SGK1: variants seen among roughly 807,000 people sequenced by gnomAD.
SGK1 encodes the protein serine/threonine-protein kinase Sgk1.
SGK1 carries 26 observed loss-of-function variants against 64.2 expected under a neutral mutation model. That is an observed-to-expected ratio of 0.40 (90% confidence interval 0.30 to 0.56). The LOEUF is 0.56. SGK1 is among the 20% of genes least tolerant of loss of function. The pLI is 0.38. For missense variants in SGK1, 519 were observed against 645.6 expected, an observed-to-expected ratio of 0.80 and a Z score of 2.12; for synonymous variants, 265 against 239.7, an observed-to-expected ratio of 1.11 and a Z score of -0.98.
intron 2 of SGK1, among the ~76,000 whole-genome samples, chr6:134,249,228 TC>T (rs1410984507): frequency 6.6e-6 from 1 of 152,336 alleles, no homozygotes; most frequent in East Asian, 1.9e-4. Flanking sequence ...TATTCTTTAT[TC>T]CTACTGATAC....
intron 2 of SGK1, among the ~76,000 whole-genome samples, chr6:134,212,441 A>G (rs964284493): frequency 6.6e-6 from 1 of 152,156 alleles, no homozygotes; most frequent in Non-Finnish European, 1.5e-5. Context: ...GAAAGTAGCT[A>G]TTATGTCTCA....
At chr6:134,229,400 T>C (rs1776242182) in intron 2 of SGK1, among the ~76,000 whole-genome samples, 1 of 152,122 alleles carries the variant, frequency 6.6e-6, no homozygotes, top group Non-Finnish European at 1.5e-5. Context: ...TAAAGGAAAA[T>C]GGATCTAAAC....
intron 2 of SGK1, among the ~76,000 whole-genome samples, chr6:134,240,401 G>A (rs1279230134): frequency 3.3e-5 from 5 of 152,074 alleles, no homozygotes; most frequent in Non-Finnish European, 7.4e-5. Flanking sequence ...GTAGATTTAT[G>A]GAGGAATGGA....
intron 2 of SGK1, among the ~76,000 whole-genome samples, chr6:134,226,181 G>A (rs1776174139): frequency 6.6e-6 from 1 of 151,838 alleles, no homozygotes; most frequent in South Asian, 2.1e-4. Context: ...TCTTATCAAG[G>A]AAGGTGATAT....
chr6:134,219,706 G>A (rs1337327864), intron 2 of SGK1, among the ~76,000 whole-genome samples: 1 of 146,440 alleles, frequency 6.8e-6, no homozygotes, highest in Non-Finnish European at 1.5e-5. Context: ...GTTGCGGTGA[G>A]CTGAAATTGC....
At chr6:134,202,776 A>AT (rs1263879525) in intron 3 of SGK1, among the ~76,000 whole-genome samples, 1 of 152,226 alleles carries the variant, frequency 6.6e-6, no homozygotes, top group East Asian at 1.9e-4. Context: ...AAATATCTGG[A>AT]TAAAAACAAA....
chr6:134,250,730 G>A (rs948363756), intron 2 of SGK1, among the ~76,000 whole-genome samples: 1 of 152,108 alleles, frequency 6.6e-6, no homozygotes, highest in Admixed American at 6.6e-5. Context: ...AAATTATATG[G>A]TTTTAAGAAA....
At chr6:134,174,411 G>A (rs1192744171) in intron 4 of SGK1, 100 bp downstream of exon 4, 2 of 795,936 alleles carry the variant, frequency 2.5e-6, no homozygotes, top group African/African-American at 1.7e-5. Context: ...CCCCACCCCA[G>A]AAGAAGTCTT....
At chr6:134,206,361 ATATATATATATATATATATATAT>A (rs1269537964) in intron 3 of SGK1, among the ~76,000 whole-genome samples, 14 of 80,576 alleles carry the variant, frequency 1.7e-4, no homozygotes, top group South Asian at 8.6e-4. Flanking sequence ...ATATATATAT[ATATATATATATATATATATATAT>A]TTTTTTTTTT....
chr6:134,202,849 A>G (rs1425869447), intron 3 of SGK1, among the ~76,000 whole-genome samples: 2 of 152,206 alleles, frequency 1.3e-5, no homozygotes, highest in Non-Finnish European at 2.9e-5. Flanking sequence ...ACATATATAG[A>G]TAATACATAT....
intron 1 of SGK1, among the ~76,000 whole-genome samples, chr6:134,303,797 A>G (rs1025281056): frequency 1.3e-4 from 19 of 151,238 alleles, no homozygotes; most frequent in African/African-American, 4.6e-4. Flanking sequence ...GAAAAAAAAA[A>G]AGAAAAGAAA....
intron 1 of SGK1, among the ~76,000 whole-genome samples, chr6:134,315,566 A>C (rs955656770): frequency 6.6e-6 from 1 of 152,228 alleles, no homozygotes; most frequent in Non-Finnish European, 1.5e-5. Context: ...ATAACAAAGA[A>C]AATAAAAGAC....
chr6:134,195,493 G>C (rs1203071749), intron 3 of SGK1, among the ~76,000 whole-genome samples: 2 of 152,186 alleles, frequency 1.3e-5, no homozygotes, highest in Non-Finnish European at 2.9e-5. Flanking sequence ...GATAGGATCT[G>C]ACAAACTTTT....
intron 1 of SGK1, among the ~76,000 whole-genome samples, chr6:134,283,362 G>C (rs186251328): frequency 6.6e-5 from 10 of 151,928 alleles, no homozygotes; most frequent in African/African-American, 2.2e-4. Context: ...GTGGTGGCAC[G>C]TGCCTGTAAT....
At chr6:134,262,544 T>C (rs1239063159) in intron 1 of SGK1, among the ~76,000 whole-genome samples, 1 of 151,282 alleles carries the variant, frequency 6.6e-6, no homozygotes, top group Non-Finnish European at 1.5e-5. Flanking sequence ...AAACCCCATC[T>C]CTACTAAAAA....
At chr6:134,202,306 A>C (rs1381579879) in intron 3 of SGK1, among the ~76,000 whole-genome samples, 1 of 152,228 alleles carries the variant, frequency 6.6e-6, no homozygotes, top group Non-Finnish European at 1.5e-5. Flanking sequence ...AAGACATATC[A>C]TGTAGATAAA....
In SGK1 at chr6:134,172,789, A is replaced by G; in HGVS notation, c.835-15T>C. 6.4e-7 allele frequency: 1 copy of G among 1,565,212 alleles called. No individual in the cohort carries two copies. The highest frequency in any genetic ancestry group is 8.8e-7 in the Non-Finnish European group (1 of 1,135,664). The stretch of plus-strand genomic sequence containing the variant: ...TGGTAGAACAACTGCAGGAGACAGA[A>G]CAAAGTCATTCTGGGTTGCAAATGA... On this transcript the variant is annotated splice_polypyrimidine_tract_variant and intron_variant, in intron 8 of 13. Transcript: ENST00000367858.
Position 134,171,083 on chromosome 6 carries a change from G to T in SGK1, c.1263C>A (p.His421Gln). ...LKPNITNSAR[H>Q]LLEGLLQKDR... ...CCTTCTGCAGGAGGCCCTCCAGGAG[G>T]TGTCTTGCGGAATTTGTAATATTTG... Residue 421 changes from histidine to glutamine, a missense_variant, in exon 12 of 14, where the codon CAC becomes CAA. Around this residue, in one of 2 missense-constraint regions of SGK1, gnomAD observed 278 missense variants for 408.7 expected, o/e 0.68. Transcript: ENST00000367858. The T allele has an allele frequency of 6.2e-7, 1 of 1,614,140 alleles. No homozygotes were observed. Among genetic ancestry groups the T allele is most frequent in the South Asian group, 1.1e-5 (1 of 91,090 alleles).
At chr6:134,175,898 AAG>A (rs1775220739) in intron 3 of SGK1, 3 of 1,187,306 alleles carry the variant, frequency 2.5e-6, no homozygotes, top group Non-Finnish European at 2.1e-6. Context: ...GAAGGAAAGA[AAG>A]AGGGAAAAGG....
Sources: gnomAD v4.1 joint callset for allele counts (sites outside exome capture counted in the v4.1 genomes callset) on GRCh38, gnomAD v4.1.1 for gene constraint, gnomAD v4.1.1 regional missense constraint, MANE v1.5 for transcripts, NCBI Gene and HGNC (gene_info 2026-07-23, HGNC 2026-07-21) for gene names.